The following EGFLAM variants were observed in gnomAD, a reference collection of about 807,000 sequenced individuals.
The protein encoded by EGFLAM is EGF like, fibronectin type III and laminin G domains.
In EGFLAM, 79 loss-of-function variants were observed where a neutral mutation model predicts 113.1. That is an observed-to-expected ratio of 0.70 (90% CI 0.58 to 0.84). The LOEUF (loss-of-function observed/expected upper bound fraction) is 0.84, where lower values mean the gene tolerates loss of function less well. Among genes scored for constraint, EGFLAM ranks in the 40% least tolerant of loss-of-function variants. The pLI, the probability that EGFLAM is intolerant of heterozygous loss-of-function variation, is 0.00. For missense variants in EGFLAM, 1,265 were observed against 1,291.6 expected (o/e 0.98, Z 0.32); for synonymous variants, 504 against 487.6 (o/e 1.03, Z -0.44).
Position 38,307,071 on chromosome 5 carries a change from G to T in EGFLAM, c.98-30449G>T, listed in dbSNP as rs1758738819. ...AAGTGGATCCTCCAGTCATAGTCAGGCCAACCCACTGATGCTGTGTGGAGC... is the reference window on the plus strand; with the variant it reads ...AAGTGGATCCTCCAGTCATAGTCAGTCCAACCCACTGATGCTGTGTGGAGC... On this transcript the variant is annotated intron_variant, in intron 1 of 21. Transcript: ENST00000322350. 2.0e-5 allele frequency among the ~76,000 whole-genome samples: 3 copies of T among 152,148 alleles called. No homozygotes were observed. The South Asian group carries it at 6.2e-4, about 32-fold the overall frequency.
intron 6 of EGFLAM, among the ~76,000 whole-genome samples, chr5:38,398,579 CAT>C (rs1374430495): frequency 6.6e-6 from 1 of 152,126 alleles, no homozygotes; most frequent in Non-Finnish European, 1.5e-5. Flanking sequence ...GATTTCTAAG[CAT>C]AGAGAACAGC....
rs182463087 is a variant in EGFLAM, at chr5:38,463,067, C to T, written c.2875+56C>T. ...TTAGGCCAGTGCTTTTCTTGTTAGTCTTCCATTTGCTGTGCCGAGGCTATG... is the reference window on the plus strand; with the variant it reads ...TTAGGCCAGTGCTTTTCTTGTTAGTTTTCCATTTGCTGTGCCGAGGCTATG... On this transcript the variant is annotated intron_variant, in intron 21 of 21. Coordinates refer to ENST00000322350, the MANE Select transcript of EGFLAM (RefSeq NM_152403.4). 1.1e-4 allele frequency: 173 copies of T among 1,540,590 alleles called. No homozygotes were observed. In the African/African-American group the frequency reaches 2.2e-3, roughly 20 times the overall value.
At chr5:38,433,736 C>G (rs1372590030) in intron 15 of EGFLAM, among the ~76,000 whole-genome samples, 3 of 152,220 alleles carry the variant, frequency 2.0e-5, no homozygotes, top group Non-Finnish European at 4.4e-5. Context: ...AGAGCAATGA[C>G]AAGAGAAAGA....
intron 2 of EGFLAM, 59 bp downstream of exon 2, chr5:38,337,688 C>T: frequency 7.3e-7 from 1 of 1,379,018 alleles, no homozygotes; most frequent in Non-Finnish European, 1.0e-6. Flanking sequence ...GTATGTCTTT[C>T]TCATCCTTGC....
intron 1 of EGFLAM, among the ~76,000 whole-genome samples, chr5:38,290,147 A>T (rs1466802482): frequency 6.6e-6 from 1 of 152,084 alleles, no homozygotes; most frequent in East Asian, 1.9e-4. Context: ...GTCGGGGTAG[A>T]GGGTCAGTAA....
At chr5:38,279,753 A>C (rs1561260780) in intron 1 of EGFLAM, among the ~76,000 whole-genome samples, 1 of 152,150 alleles carries the variant, frequency 6.6e-6, no homozygotes. Context: ...TGCTGGCTAA[A>C]GGATACGTAA....
chr5:38,341,040 G>T (rs942302485), intron 3 of EGFLAM, among the ~76,000 whole-genome samples: 4 of 152,106 alleles, frequency 2.6e-5, no homozygotes, highest in Admixed American at 2.6e-4. Flanking sequence ...ACCTTACTAG[G>T]TCTCAGTTTC....
chr5:38,427,427 G>C (rs1742053223), intron 14 of EGFLAM, 175 bp downstream of exon 14: 2 of 1,059,000 alleles, frequency 1.9e-6, no homozygotes, highest in South Asian at 3.3e-5. Flanking sequence ...GCTTCCTATA[G>C]AGAGTGCTCT....
chr5:38,288,488 GA>G (rs1758225163), intron 1 of EGFLAM, among the ~76,000 whole-genome samples: 1 of 152,122 alleles, frequency 6.6e-6, no homozygotes, highest in South Asian at 2.1e-4. Context: ...ACTTTAACTA[GA>G]AAAACTAAAT....
intron 8 of EGFLAM, among the ~76,000 whole-genome samples, chr5:38,407,600 C>T (rs1741332094): frequency 1.3e-5 from 2 of 152,226 alleles, no homozygotes; most frequent in African/African-American, 4.8e-5. Flanking sequence ...TCCAAAAATG[C>T]AGCTTCTTCC....
In EGFLAM at chr5:38,340,385, A is replaced by T. The variant is rs75722819; in HGVS notation, c.291+1604A>T. On this transcript the variant is annotated intron_variant, in intron 3 of 21. Transcript: ENST00000322350. ...TATCATTCCCAATGATTTATTTGTT[A>T]AATATATTCTCTCCATTATCAACAT... 3.8e-3 allele frequency among the ~76,000 whole-genome samples: 578 copies of T among 152,310 alleles called. 5 individuals are homozygous for T. Among genetic ancestry groups the T allele is most frequent in the African/African-American group, 0.013 (552 of 41,560 alleles).
chr5:38,343,754 C>T (rs1041080114), intron 3 of EGFLAM, among the ~76,000 whole-genome samples: 11 of 152,294 alleles, frequency 7.2e-5, no homozygotes, highest in African/African-American at 2.4e-4. Context: ...GCTAGGTGGT[C>T]CCAACTGCCA....
chr5:38,428,409 G>A (rs1742084663), intron 14 of EGFLAM, among the ~76,000 whole-genome samples: 1 of 152,162 alleles, frequency 6.6e-6, no homozygotes, highest in African/African-American at 2.4e-5. Context: ...TCCCCTCTAG[G>A]GGAACGGACA....
chr5:38,386,931 C>A (rs1253481650), intron 6 of EGFLAM, among the ~76,000 whole-genome samples: 1 of 152,148 alleles, frequency 6.6e-6, no homozygotes, highest in Non-Finnish European at 1.5e-5. Flanking sequence ...GCACAGATAT[C>A]AAGAAAATGC....
intron 11 of EGFLAM, 118 bp from the exon 12 acceptor site, chr5:38,417,948 G>A: frequency 1.9e-6 from 2 of 1,034,256 alleles, no homozygotes; most frequent in Non-Finnish European, 1.4e-6. Context: ...AATACAGATG[G>A]AAGAAAATGC....
chr5:38,349,800 C>CACACACACACAT (rs1739569788), intron 3 of EGFLAM, among the ~76,000 whole-genome samples: 1 of 148,714 alleles, frequency 6.7e-6, no homozygotes, highest in African/African-American at 2.5e-5. Context: ...CACACACACA[C>CACACACACACAT]ACACACACAC....
chr5:38,447,345 A>G (rs913651055), intron 17 of EGFLAM, among the ~76,000 whole-genome samples: 10 of 152,192 alleles, frequency 6.6e-5, no homozygotes, highest in African/African-American at 2.4e-4. Context: ...TAACTACGTG[A>G]TCTCAGGCAA....
At chr5:38,376,981 T>C (rs1478658889) in intron 6 of EGFLAM, among the ~76,000 whole-genome samples, 1 of 152,114 alleles carries the variant, frequency 6.6e-6, no homozygotes, top group African/African-American at 2.4e-5. Flanking sequence ...CAGGCTTCTG[T>C]GGTCTCAGCC....
chr5:38,456,425 A>G (rs1431951955), intron 19 of EGFLAM, among the ~76,000 whole-genome samples: 2 of 152,118 alleles, frequency 1.3e-5, no homozygotes, highest in Non-Finnish European at 2.9e-5. Flanking sequence ...AACTCGCCCT[A>G]CTTCCTATTC....
Sources: gnomAD v4.1 joint callset for allele counts (sites outside exome capture counted in the v4.1 genomes callset) on GRCh38, gnomAD v4.1.1 for gene constraint, MANE v1.5 for transcripts, NCBI Gene and HGNC (gene_info 2026-07-23, HGNC 2026-07-21) for gene names.